CISH: variants seen among roughly 807,000 people sequenced by gnomAD.
CISH encodes cytokine-inducible SH2-containing protein.
CISH carries 11 observed loss-of-function variants against 21.3 expected under a neutral mutation model. The observed-to-expected ratio is 0.52, with a 90% confidence interval of 0.32 to 0.85. The LOEUF is 0.85. Ranked by LOEUF, CISH falls within the 40% of genes least tolerant of loss-of-function variation. CISH has a pLI of 0.03. For synonymous variants in CISH, 118 were observed against 142.3 expected (o/e 0.83, Z 1.22); for missense variants, 280 against 351.7 (o/e 0.80, Z 1.63).
At chr3:50,610,141 G>C (rs1389982175) in intron 1 of CISH, 5 of 574,486 alleles carry the variant, frequency 8.7e-6, no homozygotes, top group Admixed American at 6.0e-5. Flanking sequence ...CCCTCTTGGA[G>C]AGCTGGAGGC....
At position 50,607,160 on chromosome 3, in the gene CISH, G is replaced by A. The variant is rs915147069; in HGVS notation, c.*447C>T. On this transcript the variant is annotated 3_prime_UTR_variant, in exon 3 of 3. Coordinates refer to ENST00000348721, the MANE Select transcript of CISH (RefSeq NM_145071.4). ...CCTAGCCTGGCTTACCCCTCAACAA[G>A]GGGTCACTAGTCACTGTCGATCTCA... 5.2e-5 allele frequency: 10 copies of A among 191,460 alleles called. No individual in the cohort carries two copies. The highest frequency in any genetic ancestry group is 1.1e-4 in the Admixed American group (2 of 18,896). 11.9% of individuals were successfully genotyped at this position (191,460 alleles called of 1,614,324 possible).
At chr3:50,608,225 C>T (rs2032218628) in intron 2 of CISH, 83 bp from the exon 3 acceptor site, 3 of 1,519,254 alleles carry the variant, frequency 2.0e-6, no homozygotes, top group Non-Finnish European at 2.7e-6. Context: ...GCAGTGCCTC[C>T]AGCTTCACGC....
intron 1 of CISH, 148 bp from the exon 2 acceptor site, chr3:50,608,741 G>C (rs2032238828): frequency 4.1e-6 from 2 of 488,092 alleles, no homozygotes; most frequent in African/African-American, 4.0e-5. Flanking sequence ...CATGGGCTCA[G>C]TTAGTCCAGT....
In CISH at chr3:50,608,013, C is replaced by T. The variant is rs762076085; in HGVS notation, c.371G>A (p.Arg124His). The T allele has an allele frequency of 1.1e-5, 18 of 1,613,882 alleles. No homozygotes were observed. Among genetic ancestry groups the T allele is most frequent in the Middle Eastern group, 1.6e-4 (1 of 6,084 alleles). Reference sequence around the variant, plus strand: ...CTCAATGCGTACATTGGTGGGGCCACGAGTGGTTTTCACTGACAGCGTGAA... The same window carrying T: ...CTCAATGCGTACATTGGTGGGGCCATGAGTGGTTTTCACTGACAGCGTGAA... ...YLFTLSVKTT[R>H]GPTNVRIEYA... Residue 124 changes from arginine (R) to histidine (H), a missense_variant, in exon 3 of 3, where the codon CGT (arginine) becomes CAT (histidine). Physicochemically the swap from Arg to His is conservative, Grantham distance 29. Transcript: ENST00000348721.
In CISH at chr3:50,610,250, C is replaced by T. The variant is rs779495268; in HGVS notation, c.20+1381G>A. ...AGGCTGGAACCTCTGTGGGTGGCCA[C>T]GTCCAGATAGCTTAGCCGGTCCTCA... On this transcript the variant is annotated intron_variant, in intron 1 of 2. Transcript: ENST00000348721. The T allele has an allele frequency of 9.2e-5, 106 of 1,148,820 alleles. 2 individuals carry two copies. The South Asian group carries it at 1.4e-3, about 15-fold the overall frequency. 71.2% of individuals were successfully genotyped at this position (1,148,820 alleles called of 1,614,324 possible). A position where few individuals can be genotyped will look rare whatever the true frequency, so the allele number is the denominator to read the frequency against.
rs895446432 is a variant in CISH, at chr3:50,611,393, T to C, written c.20+238A>G. ...CCCAGGCTGAGCCCACCCTGTGAGT[T>C]CCTCCTTTAGCCGGCCAGCCCCCGG... On this transcript the variant is annotated intron_variant, in intron 1 of 2. Transcript: ENST00000348721. 2.9e-6 allele frequency: 4 copies of C among 1,357,302 alleles called. No homozygotes were observed. The African/African-American group carries it at 4.6e-5, about 16-fold the overall frequency. 84.1% of individuals were successfully genotyped at this position (1,357,302 alleles called of 1,614,324 possible). A position where few individuals can be genotyped will look rare whatever the true frequency, so the allele number is the denominator to read the frequency against.
chr3:50,608,659 A>T, intron 1 of CISH, 66 bp from the exon 2 acceptor site: 24 of 1,199,580 alleles, frequency 2.0e-5, no homozygotes, highest in Non-Finnish European at 2.7e-5. Context: ...AGACCCCCCT[A>T]TGCCCCAGAC....
chr3:50,610,136 T>C, intron 1 of CISH: 1 of 570,368 alleles, frequency 1.8e-6, no homozygotes, highest in Non-Finnish European at 3.2e-6. Context: ...GAAATCCCTC[T>C]TGGAGAGCTG....
At chr3:50,610,525 C>A in intron 1 of CISH, 1 of 1,546,042 alleles carries the variant, frequency 6.5e-7, no homozygotes, top group Non-Finnish European at 8.7e-7. Flanking sequence ...CAAGGGGGTG[C>A]TCACCTAGGG....
At chr3:50,608,186 C>A in intron 2 of CISH, 44 bp from the exon 3 acceptor site, 2 of 1,566,416 alleles carry the variant, frequency 1.3e-6, no homozygotes, top group Non-Finnish European at 1.7e-6. Context: ...TGGAAATTAG[C>A]TGGGGTAACC....
At position 50,607,512 on chromosome 3, in the gene CISH, G is replaced by T; in HGVS notation, c.*95C>A. 1.5e-6 allele frequency: 2 copies of T among 1,304,064 alleles called. No individual in the cohort carries two copies. The highest frequency in any genetic ancestry group is 2.3e-5 in the Admixed American group (1 of 42,994). 80.8% of individuals were successfully genotyped at this position (1,304,064 alleles called of 1,614,324 possible). ...GCCAGAGGTATGCAGGCACCAGGAT[G>T]CCTGGAGGAGGGACAGTGGGGGCCC... On this transcript the variant is annotated 3_prime_UTR_variant, in exon 3 of 3. Coordinates refer to ENST00000348721, the MANE Select transcript of CISH (RefSeq NM_145071.4).
chr3:50,611,698 G>T lies in CISH; in HGVS notation c.-48C>A, dbSNP rs984623093. The T allele has an allele frequency of 1.8e-5, 26 of 1,452,572 alleles. No individual in the cohort carries two copies. The highest frequency in any genetic ancestry group is 2.4e-5 in the Non-Finnish European group (26 of 1,103,506). The allele number at this position is 1,452,572 out of a possible 1,614,324, so 90.0% of individuals were successfully genotyped here. On this transcript the variant is annotated 5_prime_UTR_variant, in exon 1 of 3. Coordinates refer to ENST00000348721, the MANE Select transcript of CISH (RefSeq NM_145071.4). ...CGGAGTGGGGACTCGGCTGGACGGCGGCGGCTGGAGGGAACCAGTGGGCGC... is the reference window on the plus strand; with the variant it reads ...CGGAGTGGGGACTCGGCTGGACGGCTGCGGCTGGAGGGAACCAGTGGGCGC...
At chr3:50,611,274 G>A in intron 1 of CISH, 1 of 1,197,930 alleles carries the variant, frequency 8.3e-7, no homozygotes, top group African/African-American at 1.6e-5. Context: ...AGGCAGGCTA[G>A]CGTAGAGTGC....
rs1038639948 is a variant in CISH, at chr3:50,606,793, G to C, written c.*814C>G. On this transcript the variant is annotated 3_prime_UTR_variant, in exon 3 of 3. Transcript: ENST00000348721. ...GTGAGACCAGCTCTATGCAGATACAGCTCTGTCCTGTGAGGGGGTGAGACA... is the reference window on the plus strand; with the variant it reads ...GTGAGACCAGCTCTATGCAGATACACCTCTGTCCTGTGAGGGGGTGAGACA... 6.6e-6 allele frequency: 1 copy of C among 152,304 alleles called. No individual in the cohort carries two copies. The highest frequency in any genetic ancestry group is 1.5e-5 in the Non-Finnish European group (1 of 68,120). 9.4% of individuals were successfully genotyped at this position (152,304 alleles called of 1,614,324 possible).
At chr3:50,611,053 T>C in intron 1 of CISH, 1 of 991,014 alleles carries the variant, frequency 1.0e-6, no homozygotes, top group Non-Finnish European at 1.2e-6. Context: ...GAGACAGGGT[T>C]GTGAGACGAT....
intron 1 of CISH, 108 bp downstream of exon 1, chr3:50,611,523 C>A: frequency 1.3e-6 from 2 of 1,503,118 alleles, no homozygotes; most frequent in South Asian, 2.5e-5. Flanking sequence ...TGCGCTCAGT[C>A]ACCTCTGGCC....
chr3:50,610,575 G>A, intron 1 of CISH: 1 of 1,498,612 alleles, frequency 6.7e-7, no homozygotes, highest in East Asian at 2.5e-5. Context: ...GAATGCAGGG[G>A]GAGGCTCCTG....
At chr3:50,608,660 T>C (rs943910903) in intron 1 of CISH, 67 bp from the exon 2 acceptor site, 4 of 1,174,796 alleles carry the variant, frequency 3.4e-6, no homozygotes, top group Non-Finnish European at 4.5e-6. Flanking sequence ...GACCCCCCTA[T>C]GCCCCAGACT....
intron 1 of CISH, 163 bp downstream of exon 1, chr3:50,611,468 G>T (rs1044159701): frequency 1.4e-6 from 2 of 1,419,476 alleles, no homozygotes; most frequent in Admixed American, 3.4e-5. Flanking sequence ...GGCGGGGAGT[G>T]GGAGTGTCAC....
Sources: allele counts gnomAD v4.1 joint callset, GRCh38; gene constraint gnomAD v4.1.1; transcripts MANE v1.5; gene names NCBI Gene and HGNC (gene_info 2026-07-23, HGNC 2026-07-21).